Variants in ZFX observed in about 807,000 individuals in gnomAD.
The protein encoded by ZFX is zinc finger X-chromosomal protein.
For synonymous variants in ZFX, 196 were observed against 226.8 expected (o/e 0.86, Z 1.22); for missense variants, 362 against 628.3 (o/e 0.58, Z 4.53).
intron 1 of ZFX, chrX:24,150,815 A>G (rs1048944942): frequency 1.8e-5 from 2 of 113,146 alleles, no homozygotes; most frequent in Admixed American, 9.3e-5. Context: ...AGGAAGAAAA[A>G]TAAAGATTGA....
intron 5 of ZFX, among the ~76,000 whole-genome samples, chrX:24,205,580 C>T (rs1250406290): frequency 5.3e-5 from 6 of 112,203 alleles, no homozygotes; most frequent in Admixed American, 4.7e-4. Flanking sequence ...TTTGGCTGGG[C>T]GTGGTGGCTC....
At chrX:24,189,355 C>T (rs1470042584) in intron 5 of ZFX, among the ~76,000 whole-genome samples, 1 of 111,731 alleles carries the variant, frequency 9.0e-6, no homozygotes, top group Non-Finnish European at 1.9e-5. Context: ...CATACAACTA[C>T]AATGTAAAGG....
chrX:24,192,399 A>C (rs962583653), intron 5 of ZFX, among the ~76,000 whole-genome samples: 1 of 111,605 alleles, frequency 9.0e-6, no homozygotes, highest in Non-Finnish European at 1.9e-5. Flanking sequence ...AGGTGTCTGG[A>C]AGGCTGGGAT....
chrX:24,173,752 TG>T, intron 4 of ZFX: 3 of 449,927 alleles, frequency 6.7e-6, no homozygotes, highest in Non-Finnish European at 1.1e-5. Flanking sequence ...GGCTAACTTT[TG>T]TATTTTTTTT....
chrX:24,189,619 A>G (rs1292717876), intron 5 of ZFX, among the ~76,000 whole-genome samples: 1 of 112,183 alleles, frequency 8.9e-6, no homozygotes, highest in Non-Finnish European at 1.9e-5. Flanking sequence ...CAGAAGAGAT[A>G]GTAAAATATT....
At position 24,207,402 on chromosome X, in the gene ZFX, T is replaced by C; in HGVS notation, c.723T>C (p.Cys241=). Residue 241 remains cysteine (C), a synonymous_variant, in exon 6 of 10, where the codon TGT becomes TGC. Transcript: ENST00000304543. ...TMDTESEIDP[C]KVDGTCPEVI... is the part of the protein sequence containing the mutation. ...ACACAGAGTCGGAAATTGATCCTTG[T>C]AAAGTGGATGGCACTTGCCCTGAGG... is the stretch of plus-strand genomic sequence containing the variant. 8.3e-7 allele frequency: 1 copy of C among 1,211,233 alleles called. No individual in the cohort carries two copies. Among genetic ancestry groups the C allele is most frequent in the Non-Finnish European group, 1.1e-6 (1 of 895,335 alleles).
At chrX:24,170,266 C>T in intron 3 of ZFX, among the ~76,000 whole-genome samples, 1 of 108,209 alleles carries the variant, frequency 9.2e-6, no homozygotes, top group Non-Finnish European at 1.9e-5. Context: ...AGTAGTTCTC[C>T]CTGCCTCAAC....
At chrX:24,193,057 C>CA (rs1226102890) in intron 5 of ZFX, among the ~76,000 whole-genome samples, 3 of 111,057 alleles carry the variant, frequency 2.7e-5, no homozygotes, top group African/African-American at 9.8e-5. Context: ...CTTCTAGTGT[C>CA]ATTAGCAGAC....
chrX:24,172,568 T>C (rs1246243417), intron 3 of ZFX, 147 bp from the exon 4 acceptor site: 1 of 392,959 alleles, frequency 2.5e-6, no homozygotes, highest in African/African-American at 2.6e-5. Flanking sequence ...ATCAAGTAAG[T>C]TCTATTTTAC....
intron 4 of ZFX, among the ~76,000 whole-genome samples, chrX:24,178,289 T>G (rs1224548553): frequency 1.9e-5 from 2 of 106,251 alleles, no homozygotes; most frequent in South Asian, 4.1e-4. Context: ...TTCTTTTCTT[T>G]TCTTTTTTTT....
chrX:24,169,258 A>G (rs997678512), intron 3 of ZFX, among the ~76,000 whole-genome samples: 2 of 111,865 alleles, frequency 1.8e-5, no homozygotes, highest in African/African-American at 6.5e-5. Flanking sequence ...CAGAATATCT[A>G]TTAGGAAATG....
intron 4 of ZFX, among the ~76,000 whole-genome samples, chrX:24,178,936 T>C (rs1339595270): frequency 8.9e-6 from 1 of 112,132 alleles, no homozygotes; most frequent in Non-Finnish European, 1.9e-5. Context: ...GTATTTTTTC[T>C]GTGACTGCCT....
chrX:24,173,753 G>A, intron 4 of ZFX: 4 of 367,774 alleles, frequency 1.1e-5, no homozygotes, highest in African/African-American at 2.9e-5. Flanking sequence ...GCTAACTTTT[G>A]TATTTTTTTT....
At chrX:24,162,021 C>T (rs1448077728) in intron 3 of ZFX, among the ~76,000 whole-genome samples, 2 of 96,300 alleles carry the variant, frequency 2.1e-5, no homozygotes, top group Non-Finnish European at 4.1e-5. Flanking sequence ...TATTCAAGAG[C>T]AAGATTGCTT....
intron 5 of ZFX, among the ~76,000 whole-genome samples, chrX:24,201,850 C>T (rs1283382792): frequency 8.9e-6 from 1 of 112,328 alleles, no homozygotes; most frequent in East Asian, 2.8e-4. Context: ...TTATGTCCAG[C>T]GTTTAGAGAA....
intron 5 of ZFX, among the ~76,000 whole-genome samples, chrX:24,194,318 G>A (rs1454229098): frequency 1.8e-5 from 2 of 111,531 alleles, no homozygotes; most frequent in African/African-American, 6.5e-5. Flanking sequence ...GGAATAACAC[G>A]TTATTTCCTT....
chrX:24,213,343 T>C lies in ZFX; in HGVS notation c.*1967T>C, dbSNP rs764412403. ...AGTTGGCTATTGGTCCGTATGCATCTAGCACATTGTAGGAGATTTAGAAAT... is the reference window on the plus strand; with the variant it reads ...AGTTGGCTATTGGTCCGTATGCATCCAGCACATTGTAGGAGATTTAGAAAT... On this transcript the variant is annotated 3_prime_UTR_variant, in exon 10 of 10. Transcript: ENST00000304543. 1.8e-5 allele frequency: 2 copies of C among 112,541 alleles called. No homozygotes were observed. Among genetic ancestry groups the C allele is most frequent in the East Asian group, 5.6e-4 (2 of 3,596 alleles). The allele number at this position is 112,541 out of a possible 1,213,427, so 9.3% of individuals were successfully genotyped here.
intron 5 of ZFX, among the ~76,000 whole-genome samples, chrX:24,195,480 C>T (rs771390484): frequency 2.7e-5 from 3 of 110,882 alleles, no homozygotes; most frequent in Non-Finnish European, 5.7e-5. Context: ...AGCCTCCTGA[C>T]TAGTTGGGAC....
intron 3 of ZFX, among the ~76,000 whole-genome samples, chrX:24,162,180 A>T (rs1933414219): frequency 9.0e-6 from 1 of 111,594 alleles, no homozygotes; most frequent in Non-Finnish European, 1.9e-5. Flanking sequence ...GTGAGCTGAG[A>T]TCGTGCCATT....
Sources: gnomAD v4.1 joint callset for allele counts (sites outside exome capture counted in the v4.1 genomes callset) on GRCh38, gnomAD v4.1.1 for gene constraint, MANE v1.5 for transcripts, NCBI Gene and HGNC (gene_info 2026-07-23, HGNC 2026-07-21) for gene names.